The following PARD3 variants were observed in gnomAD, a reference collection of about 807,000 sequenced individuals.
PARD3 encodes partitioning defective 3 homolog.
In PARD3, 75 loss-of-function variants were observed where a neutral mutation model predicts 155.4. That is an observed-to-expected ratio of 0.48 (90% CI 0.40 to 0.58). The LOEUF (loss-of-function observed/expected upper bound fraction) is 0.58, where lower values mean the gene tolerates loss of function less well. Among genes scored for constraint, PARD3 ranks in the 20% least tolerant of loss-of-function variants. The pLI, the probability that PARD3 is intolerant of heterozygous loss-of-function variation, is 0.00. For synonymous variants in PARD3, 576 were observed against 610.5 expected (o/e 0.94, Z 0.83); for missense variants, 1,642 against 1,721.7 (o/e 0.95, Z 0.82).
intron 22 of PARD3, among the ~76,000 whole-genome samples, chr10:34,192,541 T>C (rs1053019484): frequency 6.6e-6 from 1 of 152,080 alleles, no homozygotes; most frequent in Non-Finnish European, 1.5e-5. Context: ...GTAAAAAAAA[T>C]TTTCATCTAC....
At chr10:34,371,759 T>C (rs916747558) in intron 12 of PARD3, among the ~76,000 whole-genome samples, 13 of 152,072 alleles carry the variant, frequency 8.5e-5, no homozygotes, top group African/African-American at 2.7e-4. Flanking sequence ...TTGTGCTATG[T>C]TGTTTGATGT....
chr10:34,769,763 TA>T (rs1299942527), intron 1 of PARD3, among the ~76,000 whole-genome samples: 1 of 104,464 alleles, frequency 9.6e-6, no homozygotes, highest in Non-Finnish European at 1.9e-5. Flanking sequence ...ACCATGTCTT[TA>T]AAAAAACAAA....
intron 22 of PARD3, among the ~76,000 whole-genome samples, chr10:34,207,101 G>A (rs929742161): frequency 2.0e-5 from 3 of 152,170 alleles, no homozygotes; most frequent in African/African-American, 4.8e-5. Context: ...GTTGGGATGG[G>A]TGAGGCCTCT....
At chr10:34,151,145 C>T (rs963213557) in intron 22 of PARD3, among the ~76,000 whole-genome samples, 19 of 149,254 alleles carry the variant, frequency 1.3e-4, no homozygotes, top group South Asian at 4.2e-4. Flanking sequence ...ACTTTCCAAA[C>T]GAACAAACAA....
At chr10:34,666,796 A>AAAAAAAAAATAT (rs1358640964) in intron 2 of PARD3, among the ~76,000 whole-genome samples, 62 of 66,934 alleles carry the variant, frequency 9.3e-4, no homozygotes, top group South Asian at 1.1e-3. Context: ...AAAAAAAAAA[A>AAAAAAAAAATAT]ATATATATAT....
intron 22 of PARD3, among the ~76,000 whole-genome samples, chr10:34,145,217 A>T (rs868771002): frequency 0.018 from 1,041 of 57,336 alleles, 7 homozygotes; most frequent in African/African-American, 0.033. Context: ...ATATATATAT[A>T]TATATTTTTT....
chr10:34,254,537 C>CGTGTGTGTGTGTGT lies in PARD3; in HGVS notation c.3419+15106_3419+15119dup, dbSNP rs55901749. ...GAGTATTAACATCTAGGTAGGTAAA[C>CGTGTGTGTGTGTGT]GTGTGTGTGTGTGTGTGTGTGTGTG... On this transcript the variant is annotated intron_variant, in intron 22 of 24. Transcript: ENST00000374788. Among the ~76,000 whole-genome samples the CGTGTGTGTGTGTGT allele has an allele frequency of 6.9e-5, 10 of 145,606 alleles. No homozygotes were observed. In the South Asian group the frequency reaches 2.0e-3, roughly 30 times the overall value.
intron 22 of PARD3, among the ~76,000 whole-genome samples, chr10:34,205,316 T>C (rs1486969266): frequency 6.6e-6 from 1 of 152,158 alleles, no homozygotes; most frequent in East Asian, 1.9e-4. Flanking sequence ...TATGCTGACA[T>C]CTGAACTCAA....
At chr10:34,253,526 T>C (rs928130488) in intron 22 of PARD3, among the ~76,000 whole-genome samples, 2 of 152,338 alleles carry the variant, frequency 1.3e-5, no homozygotes, top group African/African-American at 4.8e-5. Context: ...AGCCATCTGG[T>C]TGCTACCTTG....
At chr10:34,542,456 C>T (rs2083711727) in intron 2 of PARD3, among the ~76,000 whole-genome samples, 1 of 152,002 alleles carries the variant, frequency 6.6e-6, no homozygotes, top group Non-Finnish European at 1.5e-5. Context: ...CAGGACAGTC[C>T]CACACAACAA....
intron 22 of PARD3, among the ~76,000 whole-genome samples, chr10:34,171,183 A>G (rs1041133325): frequency 6.6e-6 from 1 of 152,212 alleles, no homozygotes; most frequent in African/African-American, 2.4e-5. Flanking sequence ...GTATAATTTG[A>G]CAAGCTAAAA....
intron 2 of PARD3, among the ~76,000 whole-genome samples, chr10:34,588,223 A>C (rs2088289119): frequency 1.3e-5 from 2 of 152,210 alleles, no homozygotes; most frequent in African/African-American, 4.8e-5. Flanking sequence ...AATGTAAGAT[A>C]ACATCTTAGC....
chr10:34,333,358 C>T (rs1835819855), intron 18 of PARD3, among the ~76,000 whole-genome samples: 2 of 152,030 alleles, frequency 1.3e-5, no homozygotes, highest in Admixed American at 6.6e-5. Context: ...AGCATAAACA[C>T]AGGCAAACTT....
At chr10:34,639,298 A>G (rs2092588909) in intron 2 of PARD3, among the ~76,000 whole-genome samples, 1 of 152,190 alleles carries the variant, frequency 6.6e-6, no homozygotes, top group Non-Finnish European at 1.5e-5. Flanking sequence ...CGGGAGGCTG[A>G]GGTAGGAGAA....
At chr10:34,707,615 A>G (rs2094385644) in intron 1 of PARD3, among the ~76,000 whole-genome samples, 1 of 152,194 alleles carries the variant, frequency 6.6e-6, no homozygotes, top group Non-Finnish European at 1.5e-5. Flanking sequence ...TTTTAGCCCA[A>G]CAACTCGTGG....
intron 2 of PARD3, among the ~76,000 whole-genome samples, chr10:34,657,821 G>T (rs2093217243): frequency 6.6e-6 from 1 of 151,436 alleles, no homozygotes; most frequent in South Asian, 2.1e-4. Context: ...TTACAGGCAC[G>T]AGCCACCACA....
chr10:34,387,170 T>C (rs1030905231), intron 7 of PARD3, among the ~76,000 whole-genome samples: 31 of 152,226 alleles, frequency 2.0e-4, no homozygotes, highest in Admixed American at 2.0e-3. Context: ...GATTTCCCAA[T>C]ATGACTACAA....
At chr10:34,372,937 A>T (rs1051695440) in intron 11 of PARD3, among the ~76,000 whole-genome samples, 7 of 152,118 alleles carry the variant, frequency 4.6e-5, no homozygotes, top group Non-Finnish European at 1.0e-4. Context: ...AGTTTGAACC[A>T]CAGTCTGAAC....
intron 2 of PARD3, among the ~76,000 whole-genome samples, chr10:34,643,211 C>A (rs115321278): frequency 6.6e-6 from 1 of 152,250 alleles, no homozygotes; most frequent in African/African-American, 2.4e-5. Context: ...ACGGCTCTCA[C>A]TGGCTCACCT....
Sources: allele counts gnomAD v4.1 joint callset (sites outside exome capture counted in the v4.1 genomes callset), GRCh38; gene constraint gnomAD v4.1.1; transcripts MANE v1.5; gene names NCBI Gene and HGNC (gene_info 2026-07-23, HGNC 2026-07-21).